The following LRP1B variants were observed in gnomAD, a reference collection of about 807,000 sequenced individuals.
LRP1B encodes the protein LDL receptor related protein 1B, also known as low-density lipoprotein receptor-related protein 1B.
In LRP1B, 217 loss-of-function variants were observed where a neutral mutation model predicts 556.6. That is an observed-to-expected ratio of 0.39 (90% CI 0.35 to 0.44). The LOEUF (loss-of-function observed/expected upper bound fraction) is 0.44. Among genes scored for constraint, LRP1B ranks in the 20% least tolerant of loss-of-function variants. LRP1B has a pLI of 1.00. For missense variants in LRP1B, 5,053 were observed against 5,620.8 expected (o/e 0.90, Z 3.23); for synonymous variants, 2,047 against 1,865.8 (o/e 1.10, Z -2.50).
chr2:140,593,334 A>G (rs1261144034), intron 43 of LRP1B, among the ~76,000 whole-genome samples: 2 of 152,202 alleles, frequency 1.3e-5, no homozygotes, highest in East Asian at 1.9e-4. Context: ...ACTTTCCAAG[A>G]AATGATTAAC....
intron 25 of LRP1B, among the ~76,000 whole-genome samples, chr2:140,874,745 G>A (rs562685553): frequency 6.6e-5 from 10 of 151,912 alleles, no homozygotes; most frequent in South Asian, 2.1e-4. Context: ...CAGGCTGGGC[G>A]TGGTGGCTCA....
intron 29 of LRP1B, among the ~76,000 whole-genome samples, chr2:140,845,403 C>T (rs1341440386): frequency 6.6e-6 from 1 of 152,032 alleles, no homozygotes; most frequent in Non-Finnish European, 1.5e-5. Flanking sequence ...GTCTACTTTT[C>T]TCTCCATCAA....
chr2:141,639,410 A>AT (rs1689244906), intron 2 of LRP1B, among the ~76,000 whole-genome samples: 1 of 134,352 alleles, frequency 7.4e-6, no homozygotes, highest in Non-Finnish European at 1.6e-5. Flanking sequence ...ATATATGTGT[A>AT]TATATATATA....
chr2:140,511,178 T>C (rs1574021905), intron 51 of LRP1B, among the ~76,000 whole-genome samples: 2 of 152,096 alleles, frequency 1.3e-5, no homozygotes, highest in African/African-American at 4.8e-5. Context: ...TTAATTGGAT[T>C]ATCATTTATC....
chr2:141,442,607 G>A (rs1681024007), intron 3 of LRP1B, among the ~76,000 whole-genome samples: 2 of 152,012 alleles, frequency 1.3e-5, no homozygotes, highest in Admixed American at 1.3e-4. Flanking sequence ...ATGCCCCAGT[G>A]TGTGATGTTC....
chr2:140,936,094 C>T (rs1363252573), intron 20 of LRP1B, among the ~76,000 whole-genome samples: 1 of 150,480 alleles, frequency 6.6e-6, no homozygotes, highest in Non-Finnish European at 1.5e-5. Context: ...AATCCTGGCA[C>T]TTTGAGAGGC....
chr2:141,639,132 C>T (rs1689214161), intron 2 of LRP1B, among the ~76,000 whole-genome samples: 1 of 133,064 alleles, frequency 7.5e-6, no homozygotes, highest in South Asian at 2.5e-4. Context: ...TCAGTCGAGG[C>T]CACAAAAAAA....
intron 78 of LRP1B, 63 bp downstream of exon 78, chr2:140,335,552 G>C (rs564259550): frequency 2.0e-6 from 2 of 975,742 alleles, no homozygotes; most frequent in Non-Finnish European, 3.3e-6. Flanking sequence ...AAAATCTATA[G>C]AGCATAATTT....
At chr2:140,669,794 T>A (rs1685415181) in intron 41 of LRP1B, among the ~76,000 whole-genome samples, 1 of 152,130 alleles carries the variant, frequency 6.6e-6, no homozygotes, top group Non-Finnish European at 1.5e-5. Context: ...AAAAATTGTT[T>A]AGATTGTTTC....
At chr2:141,590,872 T>TGA (rs1386666937) in intron 2 of LRP1B, among the ~76,000 whole-genome samples, 2 of 152,070 alleles carry the variant, frequency 1.3e-5, no homozygotes, top group East Asian at 3.9e-4. Context: ...AACCCAGCGT[T>TGA]ACAGAAGTCC....
chr2:142,063,084 A>G (rs1704982102), intron 1 of LRP1B, among the ~76,000 whole-genome samples: 1 of 151,468 alleles, frequency 6.6e-6, no homozygotes, highest in Non-Finnish European at 1.5e-5. Context: ...GAGTTTAAAA[A>G]CACTAACAGT....
At chr2:140,327,957 A>G (rs1477803394) in intron 79 of LRP1B, among the ~76,000 whole-genome samples, 2 of 139,898 alleles carry the variant, frequency 1.4e-5, no homozygotes, top group African/African-American at 5.3e-5. Flanking sequence ...TTGATTTTCT[A>G]TTAAGCCCTT....
intron 1 of LRP1B, among the ~76,000 whole-genome samples, chr2:142,032,808 A>T (rs1703752450): frequency 6.6e-6 from 1 of 151,748 alleles, no homozygotes; most frequent in Admixed American, 6.6e-5. Flanking sequence ...GGCTTCAGAG[A>T]CATAGGAGGC....
chr2:140,921,552 C>T (rs572246248), intron 21 of LRP1B, among the ~76,000 whole-genome samples: 22 of 151,928 alleles, frequency 1.4e-4, no homozygotes, highest in African/African-American at 3.4e-4. Context: ...TACAATAATT[C>T]GTCTGCTAAT....
At chr2:140,287,667 A>G (rs752831630) in intron 84 of LRP1B, among the ~76,000 whole-genome samples, 16 of 150,390 alleles carry the variant, frequency 1.1e-4, no homozygotes, top group South Asian at 8.3e-4. Context: ...AAAAATCCAA[A>G]TGTAGTCACT....
intron 2 of LRP1B, among the ~76,000 whole-genome samples, chr2:141,649,633 G>A (rs531761958): frequency 3.3e-5 from 5 of 152,238 alleles, no homozygotes; most frequent in South Asian, 4.1e-4. Context: ...TGGAACAGGC[G>A]TAAACATGCC....
At chr2:140,673,485 GT>G (rs1685559490) in intron 41 of LRP1B, among the ~76,000 whole-genome samples, 1 of 152,070 alleles carries the variant, frequency 6.6e-6, no homozygotes, top group African/African-American at 2.4e-5. Flanking sequence ...AGTTAATACA[GT>G]TTTTTCCACC....
At chr2:141,591,998 A>G (rs1403544247) in intron 2 of LRP1B, among the ~76,000 whole-genome samples, 1 of 152,046 alleles carries the variant, frequency 6.6e-6, no homozygotes, top group African/African-American at 2.4e-5. Flanking sequence ...CTGGAATTCC[A>G]TCCCTCAGTA....
chr2:141,304,167 C>T (rs1686497239), intron 3 of LRP1B, among the ~76,000 whole-genome samples: 1 of 151,894 alleles, frequency 6.6e-6, no homozygotes, highest in African/African-American at 2.4e-5. Flanking sequence ...GATATTAGTC[C>T]CTTGTTGGAT....
Sources: gnomAD v4.1 joint callset for allele counts (sites outside exome capture counted in the v4.1 genomes callset) on GRCh38, gnomAD v4.1.1 for gene constraint, MANE v1.5 for transcripts, NCBI Gene and HGNC (gene_info 2026-07-23, HGNC 2026-07-21) for gene names.